The following PRKN variants were observed in gnomAD, a reference collection of about 807,000 sequenced individuals.
PRKN encodes the protein parkin RBR E3 ubiquitin protein ligase.
A neutral mutation model predicts 59.5 loss-of-function variants in PRKN; 56 were observed. That is an observed-to-expected ratio of 0.94 (90% CI 0.76 to 1.18). The LOEUF is 1.18. PRKN is among the 50% of genes most tolerant of loss of function. The pLI is 0.00. For synonymous variants in PRKN, 250 were observed against 222.1 expected, an observed-to-expected ratio of 1.13 and a Z score of -1.12; for missense variants, 657 against 596.4, an observed-to-expected ratio of 1.10 and a Z score of -1.06.
At chr6:161,608,205 G>A (rs912966458) in intron 7 of PRKN, among the ~76,000 whole-genome samples, 6 of 152,110 alleles carry the variant, frequency 3.9e-5, no homozygotes, top group South Asian at 2.1e-4. Flanking sequence ...GTGATTTTTC[G>A]TGATTATACT....
intron 2 of PRKN, among the ~76,000 whole-genome samples, chr6:162,333,704 T>C (rs1245312129): frequency 6.6e-6 from 1 of 152,186 alleles, no homozygotes; most frequent in Admixed American, 6.5e-5. Context: ...CAATTAATAA[T>C]GCTACGACGG....
chr6:161,831,634 A>G (rs1381014013), intron 6 of PRKN, among the ~76,000 whole-genome samples: 1 of 152,222 alleles, frequency 6.6e-6, no homozygotes, highest in Admixed American at 6.5e-5. Context: ...TGCCTCTCTT[A>G]ACATTTTGTG....
intron 7 of PRKN, among the ~76,000 whole-genome samples, chr6:161,776,382 T>C (rs919090712): frequency 2.6e-5 from 4 of 152,356 alleles, no homozygotes; most frequent in Admixed American, 2.6e-4. Context: ...TCAGAGGTTC[T>C]GGAAATAGGC....
At position 161,447,083 on chromosome 6, in the gene PRKN, A is replaced by G. The variant is rs1789524647; in HGVS notation, c.1084-60206T>C. Among the ~76,000 whole-genome samples, 1 of 152,206 alleles carries G rather than the reference A, an allele frequency of 6.6e-6. No individual in the cohort carries two copies. Among genetic ancestry groups the G allele is most frequent in the South Asian group, 2.1e-4 (1 of 4,826 alleles). On this transcript the variant is annotated intron_variant, in intron 9 of 11. Coordinates refer to ENST00000366898, the MANE Select transcript of PRKN (RefSeq NM_004562.3). This position sits in a 1 kb window ranked among gnomAD's most constrained non-coding sequence, Gnocchi z 4.1. ...GGAAAGAAGTCAATACAAGGAAAAT[A>G]TCCTTTTTTAATCCCATTTTCCTTC... is the stretch of plus-strand genomic sequence containing the variant.
chr6:161,714,880 C>T (rs1325588059), intron 7 of PRKN, among the ~76,000 whole-genome samples: 1 of 152,148 alleles, frequency 6.6e-6, no homozygotes, highest in African/African-American at 2.4e-5. Flanking sequence ...GTGTTTACTT[C>T]CTTGAAATTG....
chr6:162,454,798 C>T (rs1410646952), intron 1 of PRKN, among the ~76,000 whole-genome samples: 1 of 152,210 alleles, frequency 6.6e-6, no homozygotes, highest in East Asian at 1.9e-4. Context: ...ACTCAATCTC[C>T]CCCACGGTGG....
chr6:162,009,928 T>G (rs995869434), intron 5 of PRKN, among the ~76,000 whole-genome samples: 8 of 151,412 alleles, frequency 5.3e-5, no homozygotes, highest in Non-Finnish European at 2.9e-5. Flanking sequence ...AGAGCAAGAC[T>G]CTGCGTCAAA....
chr6:161,489,808 G>C (rs1016782383), intron 9 of PRKN, among the ~76,000 whole-genome samples: 1 of 152,200 alleles, frequency 6.6e-6, no homozygotes, highest in Non-Finnish European at 1.5e-5. Context: ...AAGGAATGCT[G>C]TTAAAAACCA....
chr6:161,898,772 C>T (rs1009235304), intron 6 of PRKN, among the ~76,000 whole-genome samples: 1 of 152,018 alleles, frequency 6.6e-6, no homozygotes, highest in African/African-American at 2.4e-5. Context: ...TTGGTGATTC[C>T]CCCTCCCTAG....
At chr6:161,839,961 G>A (rs1435970591) in intron 6 of PRKN, among the ~76,000 whole-genome samples, 1 of 152,220 alleles carries the variant, frequency 6.6e-6, no homozygotes, top group East Asian at 1.9e-4. Flanking sequence ...CTTTTATCAG[G>A]TTATCTGATG....
rs913050514 is a variant in PRKN at position 162,104,956 on chromosome 6, T to C, written c.535-50782A>G. On this transcript the variant is annotated intron_variant, in intron 4 of 11. Transcript: ENST00000366898. ...GGATAAAAGGACTAGTTCTCCATGC[T>C]GGCTACATGCTCTGATTTTGGGTGG... 2.6e-5 allele frequency among the ~76,000 whole-genome samples: 4 copies of C among 152,250 alleles called. No individual in the cohort carries two copies. In the East Asian group the frequency reaches 5.8e-4, roughly 22 times the overall value.
chr6:162,230,640 T>C (rs1034954896), intron 3 of PRKN, among the ~76,000 whole-genome samples: 3 of 151,692 alleles, frequency 2.0e-5, no homozygotes, highest in African/African-American at 4.8e-5. Context: ...AACTTGAAGA[T>C]AGGAATCTAC....
intron 1 of PRKN, among the ~76,000 whole-genome samples, chr6:162,510,663 C>T (rs1468102803): frequency 1.3e-5 from 2 of 152,136 alleles, no homozygotes; most frequent in African/African-American, 2.4e-5. Context: ...TGGCTCACAC[C>T]TGTAATCCCA....
Position 161,393,045 on chromosome 6 carries a change from C to T in PRKN, c.1084-6168G>A, listed in dbSNP as rs1051936160. Among the ~76,000 whole-genome samples, 3 of 152,076 alleles carry T rather than the reference C, an allele frequency of 2.0e-5. No individual in the cohort carries two copies. The highest frequency in any genetic ancestry group is 1.9e-4 in the East Asian group (1 of 5,198). On this transcript the variant is annotated intron_variant, in intron 9 of 11. Transcript: ENST00000366898. The surrounding 1 kb of genome is among the most constrained non-coding windows in gnomAD (Gnocchi z 4.7). The stretch of plus-strand genomic sequence containing the variant: ...GTGAACCCTTTGAGGTAGAGAGACC[C>T]GGAGTCTGAGGCCTCTTGGATCATT...
chr6:162,689,574 G>A (rs1475665086), intron 1 of PRKN, among the ~76,000 whole-genome samples: 1 of 152,136 alleles, frequency 6.6e-6, no homozygotes, highest in African/African-American at 2.4e-5. Context: ...CTTTTTGGCA[G>A]GAAAATGATG....
intron 4 of PRKN, among the ~76,000 whole-genome samples, chr6:162,073,649 G>A (rs1377119609): frequency 6.6e-6 from 1 of 152,074 alleles, no homozygotes; most frequent in Non-Finnish European, 1.5e-5. Flanking sequence ...ACAAGGTTTC[G>A]CCATGTTGGC....
intron 2 of PRKN, among the ~76,000 whole-genome samples, chr6:162,363,025 G>A (rs1785228304): frequency 6.6e-6 from 1 of 151,106 alleles, no homozygotes; most frequent in Non-Finnish European, 1.5e-5. Flanking sequence ...CTACTCGGGA[G>A]GCTGAGGCAG....
At chr6:161,691,722 T>C (rs1477266768) in intron 7 of PRKN, among the ~76,000 whole-genome samples, 2 of 152,090 alleles carry the variant, frequency 1.3e-5, no homozygotes, top group African/African-American at 4.8e-5. Flanking sequence ...CGGTACTAAA[T>C]AGGCCATGAA....
chr6:162,428,162 A>G (rs1789334170), intron 2 of PRKN, among the ~76,000 whole-genome samples: 1 of 152,210 alleles, frequency 6.6e-6, no homozygotes, highest in Non-Finnish European at 1.5e-5. Context: ...TGACTTGCAC[A>G]GGAAGTCAAG....
Sources: allele counts gnomAD v4.1 joint callset (sites outside exome capture counted in the v4.1 genomes callset), GRCh38; gene constraint gnomAD v4.1.1; non-coding constraint Gnocchi (gnomAD v3.1); transcripts MANE v1.5; gene names NCBI Gene and HGNC (gene_info 2026-07-23, HGNC 2026-07-21).